Variants in KIAA1217 observed in about 807,000 individuals in gnomAD.
KIAA1217 encodes the protein sickle tail protein homolog.
In KIAA1217, 88 loss-of-function variants were observed where a neutral mutation model predicts 163.9. The ratio of observed to expected loss-of-function variants is 0.54; its 90% CI spans 0.45 to 0.64. The LOEUF is 0.64. Ranked by LOEUF, KIAA1217 falls within the 30% of genes least tolerant of loss-of-function variation. The pLI is 0.00. For synonymous variants in KIAA1217, 903 were observed against 923.1 expected (o/e 0.98, Z 0.39); for missense variants, 2,372 against 2,475.0 (o/e 0.96, Z 0.88).
chr10:24,041,359 C>G (rs1275651170), intron 2 of KIAA1217, among the ~76,000 whole-genome samples: 5 of 152,152 alleles, frequency 3.3e-5, no homozygotes, highest in African/African-American at 1.2e-4. Context: ...ATGTTTTCAG[C>G]CTTGAAAAAT....
chr10:23,928,704 T>A (rs1359430463), intron 1 of KIAA1217, among the ~76,000 whole-genome samples: 1 of 152,198 alleles, frequency 6.6e-6, no homozygotes, highest in Admixed American at 6.5e-5. Context: ...ATGAGGTAGA[T>A]ACCATTATTA....
intron 1 of KIAA1217, among the ~76,000 whole-genome samples, chr10:23,881,042 C>A (rs1840925467): frequency 6.6e-6 from 1 of 151,450 alleles, no homozygotes; most frequent in South Asian, 2.1e-4. Context: ...TGTATACTAG[C>A]CTGGGGGGAA....
intron 2 of KIAA1217, among the ~76,000 whole-genome samples, chr10:24,171,929 G>A (rs1018587986): frequency 6.6e-6 from 1 of 152,172 alleles, no homozygotes; most frequent in Non-Finnish European, 1.5e-5. Flanking sequence ...GTAGGGAGGA[G>A]TTTACACACA....
intron 1 of KIAA1217, among the ~76,000 whole-genome samples, chr10:23,919,556 A>G (rs553931634): frequency 1.4e-5 from 2 of 139,708 alleles, no homozygotes; most frequent in African/African-American, 5.3e-5. Context: ...CAGTAGGTCG[A>G]TATTGTGCCA....
chr10:24,342,869 G>A (rs1591143117), intron 2 of KIAA1217, among the ~76,000 whole-genome samples: 2 of 152,028 alleles, frequency 1.3e-5, no homozygotes, highest in East Asian at 1.9e-4. Context: ...TCTTGGCCAG[G>A]CTGGTCTCGA....
intron 1 of KIAA1217, among the ~76,000 whole-genome samples, chr10:23,983,671 A>G (rs1204689327): frequency 6.6e-6 from 1 of 152,142 alleles, no homozygotes; most frequent in Non-Finnish European, 1.5e-5. Context: ...GTTCAGCGAG[A>G]TTTGGGCAGG....
intron 1 of KIAA1217, among the ~76,000 whole-genome samples, chr10:23,850,095 G>A (rs1219451319): frequency 2.6e-5 from 4 of 151,930 alleles, no homozygotes; most frequent in African/African-American, 9.7e-5. Context: ...CCTTTACAAC[G>A]AATGCCTGAG....
At chr10:24,439,848 A>G (rs1161571622) in intron 5 of KIAA1217, among the ~76,000 whole-genome samples, 1 of 152,038 alleles carries the variant, frequency 6.6e-6, no homozygotes, top group Non-Finnish European at 1.5e-5. Context: ...AAATCTCCCT[A>G]TTTCAAGGTC....
At chr10:24,164,373 C>T (rs781730583) in intron 2 of KIAA1217, among the ~76,000 whole-genome samples, 3 of 152,224 alleles carry the variant, frequency 2.0e-5, no homozygotes, top group Non-Finnish European at 4.4e-5. Flanking sequence ...TTCTCTACCA[C>T]ACCCTATTTT....
At chr10:24,167,486 G>A (rs1033260402) in intron 2 of KIAA1217, among the ~76,000 whole-genome samples, 11 of 152,174 alleles carry the variant, frequency 7.2e-5, no homozygotes, top group South Asian at 2.1e-4. Flanking sequence ...GTGCAAACTA[G>A]AGCCCAAGAT....
chr10:24,380,738 T>C (rs1423982231), intron 2 of KIAA1217, 131 bp from the exon 3 acceptor site: 1 of 582,118 alleles, frequency 1.7e-6, no homozygotes, highest in East Asian at 3.2e-5. Flanking sequence ...GTTTTCCCTA[T>C]CTAACCCTTG....
intron 1 of KIAA1217, among the ~76,000 whole-genome samples, chr10:23,957,724 A>G (rs1331997428): frequency 6.6e-6 from 1 of 152,098 alleles, no homozygotes; most frequent in Admixed American, 6.5e-5. Flanking sequence ...TCCATCTTGG[A>G]AATAAATAAA....
chr10:24,512,716 T>C (rs182491690), intron 9 of KIAA1217, among the ~76,000 whole-genome samples: 73 of 152,336 alleles, frequency 4.8e-4, no homozygotes, highest in African/African-American at 1.7e-3. Flanking sequence ...CAGATCCTCT[T>C]TGAACTGATA....
intron 2 of KIAA1217, among the ~76,000 whole-genome samples, chr10:24,126,381 A>G (rs902048625): frequency 6.6e-6 from 1 of 152,002 alleles, no homozygotes; most frequent in Non-Finnish European, 1.5e-5. Context: ...TTTTCTTTTC[A>G]TATAGTATTT....
intron 2 of KIAA1217, among the ~76,000 whole-genome samples, chr10:24,116,029 C>T (rs1449173039): frequency 6.6e-6 from 1 of 152,138 alleles, no homozygotes; most frequent in Non-Finnish European, 1.5e-5. Flanking sequence ...CCAATCCTCA[C>T]TCTCAGCCCT....
rs763129911 is a variant in KIAA1217, at chr10:24,544,247, A to G, written c.4977A>G (p.Arg1659=). The G allele has an allele frequency of 4.3e-6, 7 of 1,614,162 alleles. No individual in the cohort carries two copies. The highest frequency in any genetic ancestry group is 3.3e-5 in the South Asian group (3 of 91,076). ...CGATTTCAAGAACTGATGAAATTAG[A>G]AAAAACACCTACAGAACATTGGATA... ...TSPISRTDEI[R]KNTYRTLDSL... Residue 1659 remains arginine, a synonymous_variant, in exon 19 of 21, where the codon AGA becomes AGG. Transcript: ENST00000376454.
intron 2 of KIAA1217, among the ~76,000 whole-genome samples, chr10:24,028,571 A>AG (rs1405171094): frequency 6.6e-6 from 1 of 152,174 alleles, no homozygotes; most frequent in Non-Finnish European, 1.5e-5. Context: ...AATTAAATCC[A>AG]GGAAAGCTGT....
intron 1 of KIAA1217, among the ~76,000 whole-genome samples, chr10:23,971,327 A>C (rs1463082588): frequency 1.3e-5 from 2 of 152,164 alleles, no homozygotes; most frequent in Non-Finnish European, 1.5e-5. Context: ...CTGAGATCTT[A>C]TTGGGAAGCT....
intron 2 of KIAA1217, among the ~76,000 whole-genome samples, chr10:24,035,219 A>G (rs900058957): frequency 6.6e-6 from 1 of 152,198 alleles, no homozygotes; most frequent in Non-Finnish European, 1.5e-5. Context: ...AATGGTGTCT[A>G]CCTTGTCAGG....
Sources: gnomAD v4.1 joint callset for allele counts (sites outside exome capture counted in the v4.1 genomes callset) on GRCh38, gnomAD v4.1.1 for gene constraint, MANE v1.5 for transcripts, NCBI Gene and HGNC (gene_info 2026-07-23, HGNC 2026-07-21) for gene names.